The following MAML2 variants were observed in gnomAD, a reference collection of about 807,000 sequenced individuals.
The protein encoded by MAML2 is mastermind like transcriptional coactivator 2, also known as mastermind-like protein 2.
MAML2 carries 22 observed loss-of-function variants against 96.1 expected under a neutral mutation model. The observed-to-expected ratio is 0.23, with a 90% CI of 0.16 to 0.33. MAML2 has a LOEUF of 0.33. Ranked by LOEUF, MAML2 falls within the 10% of genes least tolerant of loss-of-function variation. The probability of loss-of-function intolerance (pLI) is 1.00; values close to 1 mark genes in which losing one functional copy is unlikely to be tolerated. For synonymous variants in MAML2, 561 were observed against 521.3 expected, an observed-to-expected ratio of 1.08 and a Z score of -1.04; for missense variants, 1,367 against 1,392.4, an observed-to-expected ratio of 0.98 and a Z score of 0.29.
intron 2 of MAML2, among the ~76,000 whole-genome samples, chr11:96,015,546 A>G (rs1487560091): frequency 7.7e-6 from 1 of 130,358 alleles, no homozygotes; most frequent in African/African-American, 2.8e-5. Context: ...AGAGCTAACC[A>G]TAAAATGAAA....
intron 2 of MAML2, among the ~76,000 whole-genome samples, chr11:96,068,743 T>C (rs977264669): frequency 6.7e-6 from 1 of 149,022 alleles, no homozygotes; most frequent in Admixed American, 6.7e-5. Context: ...GGCAGGAGAA[T>C]GGCGTGAACT....
At chr11:96,212,622 C>T (rs1009236222) in intron 1 of MAML2, among the ~76,000 whole-genome samples, 1 of 152,204 alleles carries the variant, frequency 6.6e-6, no homozygotes, top group Admixed American at 6.5e-5. Context: ...AGTTAATTCA[C>T]TGTCACCACC....
At chr11:96,149,870 CCTT>C (rs1238018176) in intron 1 of MAML2, among the ~76,000 whole-genome samples, 1 of 152,146 alleles carries the variant, frequency 6.6e-6, no homozygotes, top group African/African-American at 2.4e-5. Flanking sequence ...GCTGATCTCT[CCTT>C]CTTCCTTTGT....
At chr11:96,095,705 C>T (rs943553274) in intron 1 of MAML2, among the ~76,000 whole-genome samples, 14 of 152,200 alleles carry the variant, frequency 9.2e-5, no homozygotes, top group Admixed American at 1.3e-4. Context: ...TTCTTTGATA[C>T]ATTATGGAAT....
At chr11:96,045,301 C>T (rs1463757627) in intron 2 of MAML2, among the ~76,000 whole-genome samples, 2 of 152,118 alleles carry the variant, frequency 1.3e-5, no homozygotes, top group Non-Finnish European at 2.9e-5. Context: ...GAGTATGGTG[C>T]CTGCATATTA....
chr11:96,336,283 T>C (rs1047313867), intron 1 of MAML2, among the ~76,000 whole-genome samples: 4 of 152,182 alleles, frequency 2.6e-5, no homozygotes, highest in Non-Finnish European at 5.9e-5. Flanking sequence ...ACATAAAATA[T>C]GTAATTAAAA....
intron 1 of MAML2, among the ~76,000 whole-genome samples, chr11:96,248,356 T>TC (rs887538946): frequency 6.6e-6 from 1 of 150,600 alleles, no homozygotes; most frequent in African/African-American, 2.4e-5. Flanking sequence ...AAGTGATCCA[T>TC]CCACCTTGGC....
intron 2 of MAML2, among the ~76,000 whole-genome samples, chr11:96,068,837 A>AG (rs1414010141): frequency 4.0e-5 from 6 of 151,686 alleles, no homozygotes; most frequent in African/African-American, 1.5e-4. Flanking sequence ...CTCAAAAAAA[A>AG]AAAAAAAGAA....
chr11:96,238,064 A>G (rs368954330), intron 1 of MAML2, among the ~76,000 whole-genome samples: 29 of 152,358 alleles, frequency 1.9e-4, no homozygotes, highest in African/African-American at 6.7e-4. Flanking sequence ...GAGCTTTTGT[A>G]TACTCTATGC....
chr11:96,091,958 T>C lies in MAML2; in HGVS notation c.2073A>G (p.Leu691=), dbSNP rs1355987281. ...TGGGCTGATTCTGCATTTGCTGAAG[T>C]AGGAGCTTTTGCTGAAGTGGCAAAG... ...RSPLPLQQKL[L]LQQMQNQPIA... The change falls in exon 2 of 5, where the codon CTA becomes CTG. Residue 691 remains leucine, a synonymous_variant. Coordinates refer to ENST00000524717, the MANE Select transcript of MAML2 (RefSeq NM_032427.4). 6.2e-7 allele frequency: 1 copy of C among 1,611,280 alleles called. No individual in the cohort carries two copies. The highest frequency in any genetic ancestry group is 1.1e-5 in the South Asian group (1 of 90,174).
chr11:96,058,933 T>A (rs1859111426), intron 2 of MAML2, among the ~76,000 whole-genome samples: 1 of 152,112 alleles, frequency 6.6e-6, no homozygotes, highest in Non-Finnish European at 1.5e-5. Context: ...AATACAAAAA[T>A]TAGCTAGGCA....
Position 96,055,962 on chromosome 11 carries a change from C to CT in MAML2, c.2139+35929dup, listed in dbSNP as rs1000208229. On this transcript the variant is annotated intron_variant, in intron 2 of 4. Coordinates refer to ENST00000524717, the MANE Select transcript of MAML2 (RefSeq NM_032427.4). Reference sequence around the variant, plus strand: ...TGAAAAAAAGTAATAGCATTATAACCTTTTTTTTAAAAGGGTCTGGTTTCC... The same window carrying CT: ...TGAAAAAAAGTAATAGCATTATAACCTTTTTTTTTAAAAGGGTCTGGTTTCC... Among the ~76,000 whole-genome samples the CT allele has an allele frequency of 1.1e-4, 16 of 151,996 alleles. 1 individual carries two copies. Among genetic ancestry groups the CT allele is most frequent in the Admixed American group, 6.6e-4 (10 of 15,256 alleles).
Position 95,978,738 on chromosome 11 carries a change from A to T in MAML2, c.*210T>A. The T allele has an allele frequency of 1.8e-6, 1 of 548,934 alleles. No homozygotes were observed. The highest frequency in any genetic ancestry group is 3.2e-6 in the Non-Finnish European group (1 of 314,344). The allele number at this position is 548,934 out of a possible 1,614,324, so 34.0% of individuals were successfully genotyped here. A position where few individuals can be genotyped will look rare whatever the true frequency, so the allele number is the denominator to read the frequency against. ...GTATCCTGGAGTTTAGACAGGGAAAAGTGATCCCAATATTTTACTTTCAGG... is the reference window on the plus strand; with the variant it reads ...GTATCCTGGAGTTTAGACAGGGAAATGTGATCCCAATATTTTACTTTCAGG... On this transcript the variant is annotated 3_prime_UTR_variant, in exon 5 of 5. Coordinates refer to ENST00000524717, the MANE Select transcript of MAML2 (RefSeq NM_032427.4).
intron 1 of MAML2, among the ~76,000 whole-genome samples, chr11:96,159,407 C>CTGTTTTTTTTTTTTT (rs1861066316): frequency 1.1e-5 from 1 of 91,122 alleles, no homozygotes; most frequent in Non-Finnish European, 2.0e-5. Flanking sequence ...ACCACTGATT[C>CTGTTTTTTTTTTTTT]TTTTTTTTTT....
intron 1 of MAML2, among the ~76,000 whole-genome samples, chr11:96,209,517 G>A (rs867036515): frequency 6.0e-4 from 91 of 152,182 alleles, no homozygotes; most frequent in African/African-American, 2.1e-3. Flanking sequence ...GGAGGTTGCA[G>A]TGAGCGGAGA....
intron 2 of MAML2, among the ~76,000 whole-genome samples, chr11:96,030,053 G>A (rs1858588142): frequency 6.6e-6 from 1 of 152,068 alleles, no homozygotes; most frequent in Admixed American, 6.5e-5. Flanking sequence ...CCAACACAGT[G>A]AAACCCCGTC....
intron 1 of MAML2, among the ~76,000 whole-genome samples, chr11:96,159,487 C>T (rs550127571): frequency 3.6e-5 from 2 of 55,560 alleles, no homozygotes; most frequent in Non-Finnish European, 8.5e-5. Context: ...ATCTCGGCTG[C>T]GAGCCGAGAT....
intron 1 of MAML2, among the ~76,000 whole-genome samples, chr11:96,248,796 A>C (rs1439143157): frequency 6.6e-6 from 1 of 152,020 alleles, no homozygotes; most frequent in Non-Finnish European, 1.5e-5. Context: ...TTCTCATTTC[A>C]TTTCTTATGG....
intron 1 of MAML2, among the ~76,000 whole-genome samples, chr11:96,167,166 G>A (rs1861207053): frequency 6.6e-6 from 1 of 152,138 alleles, no homozygotes; most frequent in Non-Finnish European, 1.5e-5. Context: ...TTCAGTTAAT[G>A]CCATTGCCAT....
Sources: gnomAD v4.1 joint callset for allele counts (sites outside exome capture counted in the v4.1 genomes callset) on GRCh38, gnomAD v4.1.1 for gene constraint, MANE v1.5 for transcripts, NCBI Gene and HGNC (gene_info 2026-07-23, HGNC 2026-07-21) for gene names.